Variants in SLC24A2 observed in about 807,000 individuals in gnomAD.
The protein encoded by SLC24A2 is solute carrier family 24 member 2.
In SLC24A2, 36 loss-of-function variants were observed where a neutral mutation model predicts 62.0. The ratio of observed to expected loss-of-function variants is 0.58; its 90% CI spans 0.44 to 0.77. SLC24A2 has a LOEUF of 0.77. SLC24A2 is among the 30% of genes least tolerant of loss of function. SLC24A2 has a pLI of 0.00. For missense variants in SLC24A2, 846 were observed against 817.9 expected (o/e 1.03, Z -0.42); for synonymous variants, 358 against 294.0 (o/e 1.22, Z -2.23).
the SLC24A2 span, among the ~76,000 whole-genome samples, chr9:20,084,067 C>T: frequency 6.6e-6 from 1 of 152,182 alleles, no homozygotes; most frequent in African/African-American, 2.4e-5. Context: ...CCTCATTAGG[C>T]AGCAGATCTT....
chr9:20,028,232 A>C, the SLC24A2 span, among the ~76,000 whole-genome samples: 1 of 152,206 alleles, frequency 6.6e-6, no homozygotes, highest in South Asian at 2.1e-4. Context: ...TTTGGGGTAC[A>C]GCCCTCATTT....
At chr9:20,003,935 T>C in the SLC24A2 span, among the ~76,000 whole-genome samples, 6 of 151,670 alleles carry the variant, frequency 4.0e-5, no homozygotes, top group Non-Finnish European at 7.4e-5. Flanking sequence ...ACCATAATGA[T>C]TACAACTGCA....
At chr9:19,628,897 G>A (rs1818102651) in intron 2 of SLC24A2, among the ~76,000 whole-genome samples, 1 of 152,150 alleles carries the variant, frequency 6.6e-6, no homozygotes, top group Admixed American at 6.5e-5. Context: ...AAGCTGTCCT[G>A]GGCTGCTTGT....
chr9:20,276,715 C>T, the SLC24A2 span, among the ~76,000 whole-genome samples: 1 of 152,244 alleles, frequency 6.6e-6, no homozygotes, highest in African/African-American at 2.4e-5. Context: ...TCTGCCTAGA[C>T]ATCCAGGTAT....
At chr9:19,554,836 G>C (rs539276983) in intron 7 of SLC24A2, among the ~76,000 whole-genome samples, 14 of 152,134 alleles carry the variant, frequency 9.2e-5, no homozygotes, top group Admixed American at 6.6e-5. Context: ...GGCCATTCGT[G>C]CCCTGGACTG....
At chr9:19,948,557 TAAG>T in the SLC24A2 span, among the ~76,000 whole-genome samples, 4 of 152,192 alleles carry the variant, frequency 2.6e-5, no homozygotes, top group Non-Finnish European at 4.4e-5. Context: ...GATTGACTGT[TAAG>T]AAAACAGAGC....
chr9:19,751,055 C>T (rs1317736859), intron 2 of SLC24A2, among the ~76,000 whole-genome samples: 1 of 152,166 alleles, frequency 6.6e-6, no homozygotes, highest in Admixed American at 6.5e-5. Flanking sequence ...CTGTTTTATG[C>T]TGACTGTGTT....
At chr9:20,226,559 T>C in the SLC24A2 span, among the ~76,000 whole-genome samples, 1 of 152,100 alleles carries the variant, frequency 6.6e-6, no homozygotes. Flanking sequence ...CAGAGATGAA[T>C]TGTGTGCCTA....
chr9:19,629,825 A>G (rs61555877), intron 2 of SLC24A2, among the ~76,000 whole-genome samples: 1,565 of 152,334 alleles, frequency 0.01, 29 homozygotes, highest in African/African-American at 0.036. Context: ...AGCTCAAAAA[A>G]TGAAAATAGT....
the SLC24A2 span, among the ~76,000 whole-genome samples, chr9:20,212,868 CT>C: frequency 1.0e-3 from 158 of 151,686 alleles, no homozygotes; most frequent in Middle Eastern, 0.014. Context: ...TTTTATCAAT[CT>C]CATTGACCAC....
the SLC24A2 span, among the ~76,000 whole-genome samples, chr9:20,067,052 A>G: frequency 7.6e-4 from 116 of 152,302 alleles, 1 homozygote; most frequent in East Asian, 0.018. Flanking sequence ...TCAGGAAACA[A>G]TTTGTTCTAG....
the SLC24A2 span, among the ~76,000 whole-genome samples, chr9:20,047,054 A>C: frequency 5.6e-3 from 851 of 152,108 alleles, 7 homozygotes; most frequent in Non-Finnish European, 5.5e-3. Flanking sequence ...TTTGCACTAG[A>C]GTTTGGGAAG....
the SLC24A2 span, among the ~76,000 whole-genome samples, chr9:19,823,352 C>T: frequency 6.6e-6 from 1 of 151,646 alleles, no homozygotes; most frequent in Non-Finnish European, 1.5e-5. Flanking sequence ...TAATTTTGAA[C>T]CCTTTAAGAA....
At chr9:20,154,276 A>G in the SLC24A2 span, among the ~76,000 whole-genome samples, 5 of 151,892 alleles carry the variant, frequency 3.3e-5, no homozygotes, top group African/African-American at 4.8e-5. Context: ...GAAAGCAAGC[A>G]CAAATTGTAA....
the SLC24A2 span, among the ~76,000 whole-genome samples, chr9:20,112,724 G>T: frequency 6.6e-6 from 1 of 152,000 alleles, no homozygotes; most frequent in African/African-American, 2.4e-5. Context: ...TGGGGAGTGT[G>T]GTTCCTGGGG....
chr9:20,068,326 T>C, the SLC24A2 span, among the ~76,000 whole-genome samples: 1 of 152,130 alleles, frequency 6.6e-6, no homozygotes, highest in Non-Finnish European at 1.5e-5. Flanking sequence ...CCTCCCAAAG[T>C]GCCGGAATTA....
At chr9:19,699,320 C>A (rs1330931460) in intron 2 of SLC24A2, among the ~76,000 whole-genome samples, 3 of 152,160 alleles carry the variant, frequency 2.0e-5, no homozygotes, top group Non-Finnish European at 4.4e-5. Context: ...ACCTATCCAT[C>A]TTGCAAAAGT....
At position 19,786,029 on chromosome 9, in the gene SLC24A2, T is replaced by C. The variant is rs754862190; in HGVS notation, c.838A>G (p.Met280Val). 4 of 1,614,114 alleles carry C rather than the reference T, an allele frequency of 2.5e-6. No homozygotes were observed. Among genetic ancestry groups the C allele is most frequent in the Admixed American group, 3.3e-5 (2 of 60,024 alleles). ...LTAYFCYVVFMKFNVQVEKWV... is the reference protein window; with the variant it reads ...LTAYFCYVVFVKFNVQVEKWV... ...TTTTCTACTTGGACGTTGAATTTCA[T>C]GAAAACCACATAGCAAAAATAAGCT... is the stretch of plus-strand genomic sequence containing the variant. Residue 280 changes from methionine to valine, a missense_variant, in exon 2 of 11, where the codon ATG becomes GTG. Coordinates refer to ENST00000341998, the MANE Select transcript of SLC24A2 (RefSeq NM_020344.4). The surrounding 1 kb of genome is among the most constrained non-coding windows in gnomAD (Gnocchi z 5.0).
intron 2 of SLC24A2, among the ~76,000 whole-genome samples, chr9:19,732,936 G>A (rs1238136409): frequency 6.6e-6 from 1 of 152,144 alleles, no homozygotes; most frequent in African/African-American, 2.4e-5. Context: ...TTAACCTGTG[G>A]CCTTTTTGTT....
Sources: allele counts gnomAD v4.1 joint callset (sites outside exome capture counted in the v4.1 genomes callset), GRCh38; gene constraint gnomAD v4.1.1; non-coding constraint Gnocchi (gnomAD v3.1); transcripts MANE v1.5; gene names NCBI Gene and HGNC (gene_info 2026-07-23, HGNC 2026-07-21).